Variants in CORO7 observed in about 807,000 individuals in gnomAD.
CORO7 encodes the protein coronin-7.
A neutral mutation model predicts 126.6 loss-of-function variants in CORO7; 107 were observed. The observed-to-expected ratio is 0.85, with a 90% CI of 0.72 to 0.99. The LOEUF (loss-of-function observed/expected upper bound fraction) is 0.99. Among genes scored for constraint, CORO7 ranks in the 50% least tolerant of loss-of-function variants. The probability of loss-of-function intolerance (pLI) is 0.00; values close to 1 mark genes in which losing one functional copy is unlikely to be tolerated. For missense variants in CORO7, 1,314 were observed against 1,255.8 expected (o/e 1.05, Z -0.70); for synonymous variants, 603 against 536.8 (o/e 1.12, Z -1.70).
intron 9 of CORO7, among the ~76,000 whole-genome samples, chr16:4,387,510 G>A (rs937754938): frequency 6.6e-6 from 1 of 151,628 alleles, no homozygotes; most frequent in Admixed American, 6.6e-5. Flanking sequence ...TCAGTGGGCC[G>A]CATAAGCCAA....
chr16:4,385,518 T>TC, intron 9 of CORO7, among the ~76,000 whole-genome samples: 1 of 152,132 alleles, frequency 6.6e-6, no homozygotes, highest in East Asian at 1.9e-4. Context: ...TCTCTGCATC[T>TC]CCAAGACCAA....
At chr16:4,403,812 A>C (rs2055899080) in intron 6 of CORO7, among the ~76,000 whole-genome samples, 1 of 152,198 alleles carries the variant, frequency 6.6e-6, no homozygotes, top group Non-Finnish European at 1.5e-5. Context: ...CACGGTCCCA[A>C]GGCAGCCATC....
chr16:4,369,449 T>C (rs1364028342), intron 9 of CORO7, among the ~76,000 whole-genome samples: 1 of 152,250 alleles, frequency 6.6e-6, no homozygotes, highest in Non-Finnish European at 1.5e-5. Context: ...GGAAGGGCTC[T>C]GACCCTGACC....
At chr16:4,361,604 C>G in intron 16 of CORO7, 135 bp from the exon 17 acceptor site, 1 of 1,092,384 alleles carries the variant, frequency 9.2e-7, no homozygotes, top group Non-Finnish European at 1.3e-6. Context: ...GACCCAAGCT[C>G]TCTGCCCTGA....
At chr16:4,360,060 C>T (rs530322664) in intron 21 of CORO7, among the ~76,000 whole-genome samples, 13 of 148,610 alleles carry the variant, frequency 8.7e-5, no homozygotes, top group East Asian at 2.0e-4. Flanking sequence ...TCCAGCCATC[C>T]GCCCATCTAT....
chr16:4,363,433 G>A (rs1392347489), intron 14 of CORO7, among the ~76,000 whole-genome samples: 5 of 151,892 alleles, frequency 3.3e-5, no homozygotes, highest in East Asian at 1.9e-4. Flanking sequence ...TTAGCCAGGC[G>A]TGGTGGTGCG....
chr16:4,361,144 T>A lies in CORO7; in HGVS notation c.1774+18A>T, dbSNP rs1231832280. ...GGAGACACTGGCCACCCCAGCCCCA[T>A]TCCTGAGCCTGCCTGACCTGTGAGC... is the stretch of plus-strand genomic sequence containing the variant. On this transcript the variant is annotated intron_variant, in intron 18 of 27. Coordinates refer to ENST00000251166, the MANE Select transcript of CORO7 (RefSeq NM_024535.5). 9 of 1,613,278 alleles carry A rather than the reference T, an allele frequency of 5.6e-6. No individual in the cohort carries two copies. In the South Asian group the frequency reaches 9.9e-5, roughly 18 times the overall value.
chr16:4,412,300 C>A, intron 3 of CORO7, 56 bp downstream of exon 3: 2 of 1,595,940 alleles, frequency 1.3e-6, no homozygotes, highest in Non-Finnish European at 1.7e-6. Context: ...AATTTCTGGC[C>A]CTGGAGAGGG....
At chr16:4,373,779 C>T (rs1259100756) in intron 9 of CORO7, among the ~76,000 whole-genome samples, 4 of 152,168 alleles carry the variant, frequency 2.6e-5, no homozygotes, top group Non-Finnish European at 4.4e-5. Context: ...GAAAGCAGGG[C>T]CCTGCTGAGC....
chr16:4,397,594 T>C (rs2055645854), intron 6 of CORO7: 1 of 152,152 alleles, frequency 6.6e-6, no homozygotes, highest in African/African-American at 2.4e-5. Flanking sequence ...AGTCCATCAA[T>C]GGACATTTCT....
intron 7 of CORO7, 52 bp from the exon 8 acceptor site, chr16:4,388,683 G>A (rs1215764690): frequency 1.3e-6 from 2 of 1,567,430 alleles, no homozygotes; most frequent in Non-Finnish European, 1.7e-6. Flanking sequence ...CTGGTGGGCG[G>A]GGCCCCCTGG....
At chr16:4,405,659 A>G in intron 5 of CORO7, 92 bp from the exon 6 acceptor site, 1 of 1,479,586 alleles carries the variant, frequency 6.8e-7, no homozygotes, top group Non-Finnish European at 9.1e-7. Flanking sequence ...CTCCCAGAGC[A>G]AAGGCAGCAG....
rs2056246022 is a variant in CORO7, at chr16:4,412,420, G to A, written c.168C>T (p.Gly56=). The change falls in exon 3 of 28, where the codon GGC becomes GGT. Residue 56 remains glycine (G), a synonymous_variant. Coordinates refer to ENST00000251166, the MANE Select transcript of CORO7 (RefSeq NM_024535.5). ...AFNSDRPGVL[G]IVPLQGQGED... ...CTCCTTGGCCTTGCAGAGGCACAAT[G>A]CCCAGTACACCTGTTAAACAAACAC... 6.2e-7 allele frequency: 1 copy of A among 1,614,194 alleles called. No individual in the cohort carries two copies. Among genetic ancestry groups the A allele is most frequent in the Non-Finnish European group, 8.5e-7 (1 of 1,180,032 alleles).
chr16:4,384,074 C>T lies in CORO7; in HGVS notation c.785+3912G>A, dbSNP rs1359025320. Among the ~76,000 whole-genome samples the T allele has an allele frequency of 3.9e-5, 6 of 152,356 alleles. No homozygotes were observed. The East Asian group carries it at 1.2e-3, about 29-fold the overall frequency. ...GCTCCCTGCCTCCTGCCCCTGGCTA[C>T]AGCGAGGGCTCTGGTGGGAGGGGAA... On this transcript the variant is annotated intron_variant, in intron 9 of 27. Transcript: ENST00000251166.
chr16:4,355,562 G>A (rs982443792), intron 26 of CORO7, 190 bp from the exon 27 acceptor site: 31 of 619,076 alleles, frequency 5.0e-5, no homozygotes, highest in Non-Finnish European at 7.8e-5. Flanking sequence ...TCTGCCTCCC[G>A]GGTTTACACC....
At chr16:4,385,383 G>A (rs1327415098) in intron 9 of CORO7, among the ~76,000 whole-genome samples, 2 of 152,106 alleles carry the variant, frequency 1.3e-5, no homozygotes, top group African/African-American at 2.4e-5. Flanking sequence ...GTGAGCTACA[G>A]AAGCAATACA....
chr16:4,411,845 G>C (rs2141333079), intron 3 of CORO7, among the ~76,000 whole-genome samples: 1 of 152,108 alleles, frequency 6.6e-6, no homozygotes, highest in East Asian at 1.9e-4. Context: ...CGAGCAAACT[G>C]TTCCCTCGAG....
At chr16:4,391,849 G>A (rs2055404298) in intron 7 of CORO7, among the ~76,000 whole-genome samples, 1 of 152,230 alleles carries the variant, frequency 6.6e-6, no homozygotes, top group Non-Finnish European at 1.5e-5. Context: ...AGCCCCAAGA[G>A]GGCCCCCACC....
chr16:4,380,406 C>T (rs912734502), intron 9 of CORO7, among the ~76,000 whole-genome samples: 3 of 152,254 alleles, frequency 2.0e-5, no homozygotes, highest in African/African-American at 4.8e-5. Context: ...GGACACGGAG[C>T]GTGGCAGCAG....
Sources: gnomAD v4.1 joint callset for allele counts (sites outside exome capture counted in the v4.1 genomes callset) on GRCh38, gnomAD v4.1.1 for gene constraint, MANE v1.5 for transcripts, NCBI Gene and HGNC (gene_info 2026-07-23, HGNC 2026-07-21) for gene names.